The following DENND2A variants were observed in gnomAD, a reference collection of about 807,000 sequenced individuals.
DENND2A encodes DENN domain containing 2A.
DENND2A carries 53 observed loss-of-function variants against 105.3 expected under a neutral mutation model. The ratio of observed to expected loss-of-function variants is 0.50; its 90% CI spans 0.40 to 0.63. The LOEUF is 0.63. Ranked by LOEUF, DENND2A falls within the 30% of genes least tolerant of loss-of-function variation. DENND2A has a pLI of 0.00. For missense variants in DENND2A, 1,138 were observed against 1,279.6 expected, an observed-to-expected ratio of 0.89 and a Z score of 1.69; for synonymous variants, 522 against 508.4, an observed-to-expected ratio of 1.03 and a Z score of -0.36.
At chr7:140,585,824 G>C in intron 4 of DENND2A, 114 bp from the exon 5 acceptor site, 2 of 1,482,254 alleles carry the variant, frequency 1.3e-6, no homozygotes, top group Non-Finnish European at 1.8e-6. Flanking sequence ...AGGCATATCT[G>C]CTGTTTTGCC....
In DENND2A at chr7:140,587,422, G is replaced by A. The variant is rs556266944; in HGVS notation, c.1123+231C>T. On this transcript the variant is annotated intron_variant, in intron 4 of 19. Coordinates refer to ENST00000496613, the MANE Select transcript of DENND2A (RefSeq NM_015689.5). ...GCCACGCTGCCACACTGCCTCCTTG[G>A]CCACTCATTACCAGCTAGTCTTCCC... is the stretch of plus-strand genomic sequence containing the variant. Among the ~76,000 whole-genome samples, 4 of 152,172 alleles carry A rather than the reference G, an allele frequency of 2.6e-5. No homozygotes were observed. The South Asian group carries it at 8.3e-4, about 32-fold the overall frequency.
At chr7:140,605,913 C>T (rs1396947648) in intron 1 of DENND2A, 107 bp from the exon 2 acceptor site, 1 of 152,202 alleles carries the variant, frequency 6.6e-6, no homozygotes, top group Non-Finnish European at 1.5e-5. Flanking sequence ...TGATAGATTC[C>T]ACCCAGGAGC....
At position 140,521,981 on chromosome 7, in the gene DENND2A, G is replaced by A; in HGVS notation, c.2785C>T (p.Gln929Ter). 5 of 1,614,190 alleles carry A rather than the reference G, an allele frequency of 3.1e-6. No individual in the cohort carries two copies. Among genetic ancestry groups the A allele is most frequent in the Non-Finnish European group, 4.2e-6 (5 of 1,180,046 alleles). ...TSGEREERTLQREAFRKAVSS... is the reference protein window; with the variant it reads ...TSGEREERTL Reference sequence around the variant, plus strand: ...ACAGCTTTGCGGAAGGCCTCCCGCTGCAGGGTTCTCTCCTCACGCTCGCCC... The same window carrying A: ...ACAGCTTTGCGGAAGGCCTCCCGCTACAGGGTTCTCTCCTCACGCTCGCCC... Residue 929 changes from glutamine to a stop codon, truncating the protein, a stop_gained, in exon 18 of 20, where the codon CAG becomes TAG. Coordinates refer to ENST00000496613, the MANE Select transcript of DENND2A (RefSeq NM_015689.5). LOFTEE classifies it high-confidence loss of function.
intron 5 of DENND2A, among the ~76,000 whole-genome samples, chr7:140,578,205 G>C (rs962917541): frequency 5.3e-5 from 8 of 152,210 alleles, no homozygotes; most frequent in Non-Finnish European, 1.2e-4. Context: ...TTTCAGGAGA[G>C]TGGCCAGGGG....
At chr7:140,620,710 C>T (rs1215567913) in intron 1 of DENND2A, among the ~76,000 whole-genome samples, 4 of 152,128 alleles carry the variant, frequency 2.6e-5, no homozygotes, top group Non-Finnish European at 4.4e-5. Flanking sequence ...TTCATCACTC[C>T]GCACCGGTTT....
upstream of DENND2A, among the ~76,000 whole-genome samples, chr7:140,641,161 C>T (rs1242969766): frequency 6.6e-6 from 1 of 152,186 alleles, no homozygotes; most frequent in Admixed American, 6.5e-5. Flanking sequence ...TTAACACACT[C>T]TCGGCACCGG....
At chr7:140,594,004 C>A (rs1013750877) in intron 3 of DENND2A, among the ~76,000 whole-genome samples, 5 of 151,640 alleles carry the variant, frequency 3.3e-5, no homozygotes, top group Admixed American at 2.0e-4. Context: ...CTCCTGGATT[C>A]AGGCGATTCT....
intron 3 of DENND2A, among the ~76,000 whole-genome samples, chr7:140,592,183 G>T (rs2130663023): frequency 6.7e-6 from 1 of 149,462 alleles, no homozygotes; most frequent in East Asian, 2.0e-4. Context: ...GAGATTACAG[G>T]CGCCTGCCAC....
At position 140,627,234 on chromosome 7, in the gene DENND2A, T is replaced by C. The variant is rs573652156; in HGVS notation, c.-248+13270A>G. Among the ~76,000 whole-genome samples the C allele has an allele frequency of 3.7e-4, 56 of 152,262 alleles. 1 individual carries two copies. Among genetic ancestry groups the C allele is most frequent in the South Asian group, 4.1e-4 (2 of 4,830 alleles). On this transcript the variant is annotated intron_variant, in intron 1 of 19. Transcript: ENST00000496613. ...TTTAGTTTAGTTTAGTTTTTTGAGA[T>C]GGACTCTTGCTCTGTCACCCAGGTT...
At chr7:140,629,673 G>A (rs1313648443) in intron 1 of DENND2A, among the ~76,000 whole-genome samples, 3 of 152,090 alleles carry the variant, frequency 2.0e-5, no homozygotes, top group African/African-American at 7.2e-5. Context: ...GAGGTAATGA[G>A]CTAACGGTCT....
In DENND2A at chr7:140,522,086, G is replaced by C. The variant is rs1231449553; in HGVS notation, c.2680C>G (p.Pro894Ala). The change falls in exon 18 of 20, where the codon CCC (proline) becomes GCC (alanine). Residue 894 changes from proline (P) to alanine (A), a missense_variant. Physicochemically the swap from Pro to Ala is conservative, Grantham distance 27. This residue lies in a region of DENND2A where 627 missense variants were observed against 779.8 expected (regional missense o/e 0.80). Coordinates refer to ENST00000496613, the MANE Select transcript of DENND2A (RefSeq NM_015689.5). Reference protein sequence around the residue: ...LDGRHGPESSPLNEVVSEAFV... With the variant: ...LDGRHGPESSALNEVVSEAFV... ...GCTTCAGACACCACCTCGTTCAAGG[G>C]GCTGGACTCTGGACCTGAGTAAGGG... 1 of 1,614,110 alleles carries C rather than the reference G, an allele frequency of 6.2e-7. No homozygotes were observed. Among genetic ancestry groups the C allele is most frequent in the Admixed American group, 1.7e-5 (1 of 60,008 alleles).
At chr7:140,565,242 G>A (rs73491591) in intron 9 of DENND2A, among the ~76,000 whole-genome samples, 1,861 of 152,058 alleles carry the variant, frequency 0.012, 33 homozygotes, top group African/African-American at 0.042. Context: ...AGTGGGCAAG[G>A]ACAGAAGCTC....
rs1037684540 is a variant in DENND2A at position 140,527,002 on chromosome 7, G to C, written c.2505+316C>G. On this transcript the variant is annotated intron_variant, in intron 15 of 19. Transcript: ENST00000496613. This position sits in a 1 kb window ranked among gnomAD's most constrained non-coding sequence, Gnocchi z 4.9. ...CTCCTCAATGTGGGGGAGTGGGCGAGAGGGCAGGGGAGAGGAGAGGGCTAT... is the reference window on the plus strand; with the variant it reads ...CTCCTCAATGTGGGGGAGTGGGCGACAGGGCAGGGGAGAGGAGAGGGCTAT... Among the ~76,000 whole-genome samples, 7 of 152,168 alleles carry C rather than the reference G, an allele frequency of 4.6e-5. No homozygotes were observed. The highest frequency in any genetic ancestry group is 1.0e-4 in the Non-Finnish European group (7 of 68,042).
intron 5 of DENND2A, among the ~76,000 whole-genome samples, chr7:140,576,712 C>G (rs1023907337): frequency 1.3e-5 from 2 of 152,184 alleles, no homozygotes; most frequent in East Asian, 3.8e-4. Context: ...TATCACAGGT[C>G]TCCAAGGAGC....
chr7:140,568,633 C>A, intron 8 of DENND2A, 130 bp downstream of exon 8: 1 of 890,338 alleles, frequency 1.1e-6, no homozygotes. Flanking sequence ...CCCACTGTCT[C>A]CCGAGATGTC....
At position 140,525,774 on chromosome 7, in the gene DENND2A, C is replaced by G; in HGVS notation, c.2524G>C (p.Val842Leu). 6.2e-7 allele frequency: 1 copy of G among 1,605,294 alleles called. No individual in the cohort carries two copies. Among genetic ancestry groups the G allele is most frequent in the Non-Finnish European group, 8.5e-7 (1 of 1,175,716 alleles). ...ACCTGTCTGAGGAACCGGCTGTTGA[C>G]GAGGTCAACCACAAGGACCTATGAG... ...PLEEVLVVDL[V>L]NSRFLRQMDD... The change falls in exon 16 of 20, where the codon GTC becomes CTC. Residue 842 changes from valine (V) to leucine (L), a missense_variant. Physicochemically the swap from Val to Leu is conservative, Grantham distance 32. This residue lies in a region of DENND2A where 627 missense variants were observed against 779.8 expected (regional missense o/e 0.80). Coordinates refer to ENST00000496613, the MANE Select transcript of DENND2A (RefSeq NM_015689.5).
At chr7:140,563,125 T>C (rs775938738) in intron 9 of DENND2A, among the ~76,000 whole-genome samples, 1 of 151,928 alleles carries the variant, frequency 6.6e-6, no homozygotes. Flanking sequence ...GGAGGAAGAA[T>C]ACCAAATGAG....
chr7:140,557,041 T>A (rs1259890391), intron 11 of DENND2A, among the ~76,000 whole-genome samples: 1 of 152,058 alleles, frequency 6.6e-6, no homozygotes, highest in African/African-American at 2.4e-5. Context: ...CTGTTTGGCA[T>A]GTTTTATTAG....
At chr7:140,575,687 GC>G (rs1798268601) in intron 5 of DENND2A, among the ~76,000 whole-genome samples, 2 of 152,152 alleles carry the variant, frequency 1.3e-5, no homozygotes, top group African/African-American at 4.8e-5. Flanking sequence ...TAATGTACTT[GC>G]CGGGCACGGT....
Sources: gnomAD v4.1 joint callset for allele counts (sites outside exome capture counted in the v4.1 genomes callset) on GRCh38, gnomAD v4.1.1 for gene constraint, gnomAD v4.1.1 regional missense constraint, Gnocchi (gnomAD v3.1) non-coding constraint, MANE v1.5 for transcripts, NCBI Gene and HGNC (gene_info 2026-07-23, HGNC 2026-07-21) for gene names.